ROCK1: variants seen among roughly 807,000 people sequenced by gnomAD.
ROCK1 encodes rho-associated protein kinase 1.
ROCK1 carries 36 observed loss-of-function variants against 196.8 expected under a neutral mutation model. The ratio of observed to expected loss-of-function variants is 0.18; its 90% CI spans 0.14 to 0.24. The LOEUF is 0.24. ROCK1 is among the 10% of genes least tolerant of loss of function. The pLI is 1.00. For synonymous variants in ROCK1, 443 were observed against 515.9 expected (o/e 0.86, Z 1.91); for missense variants, 920 against 1,562.0 (o/e 0.59, Z 6.93).
intron 11 of ROCK1, among the ~76,000 whole-genome samples, chr18:21,022,330 C>T (rs902139551): frequency 1.3e-5 from 2 of 152,110 alleles, no homozygotes; most frequent in African/African-American, 4.8e-5. Context: ...GCTATATAAA[C>T]AACAGAAAGA....
chr18:21,027,042 G>A (rs536618538), intron 10 of ROCK1, among the ~76,000 whole-genome samples: 1 of 151,418 alleles, frequency 6.6e-6, no homozygotes, highest in African/African-American at 2.4e-5. Flanking sequence ...AGGTTGAAGC[G>A]ATTCTCCTGC....
At chr18:20,984,654 A>G (rs2035562155) in intron 19 of ROCK1, 119 bp from the exon 20 acceptor site, 7 of 674,078 alleles carry the variant, frequency 1.0e-5, no homozygotes, top group Non-Finnish European at 1.7e-5. Flanking sequence ...AGAAAATATT[A>G]GTATTTTAAA....
intron 4 of ROCK1, among the ~76,000 whole-genome samples, chr18:21,048,159 T>A (rs1216341781): frequency 6.6e-6 from 1 of 152,198 alleles, no homozygotes; most frequent in Admixed American, 6.5e-5. Context: ...AAGGAAATTG[T>A]GGCCCAGAGA....
At chr18:21,088,909 A>G (rs2036548356) in intron 1 of ROCK1, among the ~76,000 whole-genome samples, 1 of 151,934 alleles carries the variant, frequency 6.6e-6, no homozygotes, top group African/African-American at 2.4e-5. Flanking sequence ...GTCTTCCCAG[A>G]CTCCAGAACT....
At chr18:20,998,170 T>G (rs1441170667) in intron 16 of ROCK1, among the ~76,000 whole-genome samples, 1 of 152,070 alleles carries the variant, frequency 6.6e-6, no homozygotes, top group Admixed American at 6.5e-5. Context: ...TACAAATACC[T>G]GGAAATTAAA....
chr18:21,057,930 AT>A (rs1679442512), intron 2 of ROCK1, among the ~76,000 whole-genome samples: 1 of 152,234 alleles, frequency 6.6e-6, no homozygotes, highest in Non-Finnish European at 1.5e-5. Flanking sequence ...TGGGACCAAG[AT>A]ATCTACAATA....
At chr18:20,975,997 C>T (rs574636857) in intron 22 of ROCK1, among the ~76,000 whole-genome samples, 13 of 152,368 alleles carry the variant, frequency 8.5e-5, no homozygotes, top group African/African-American at 3.1e-4. Flanking sequence ...TCTTCTCTTA[C>T]ACTGTTGGTA....
intron 1 of ROCK1, among the ~76,000 whole-genome samples, chr18:21,085,221 AG>A (rs1241927534): frequency 6.6e-6 from 1 of 152,000 alleles, no homozygotes; most frequent in Non-Finnish European, 1.5e-5. Context: ...AATTGTACTC[AG>A]GAACAGTTAA....
intron 2 of ROCK1, 25 bp from the exon 3 acceptor site, chr18:21,049,905 T>C: frequency 1.5e-6 from 2 of 1,360,924 alleles, no homozygotes; most frequent in East Asian, 4.8e-5. Context: ...AAGTTTATCA[T>C]TTTAAATCAC....
chr18:20,968,032 TTC>T lies in ROCK1; in HGVS notation c.3004-94_3004-93del. The T allele has an allele frequency of 2.6e-6, 3 of 1,174,152 alleles. No individual in the cohort carries two copies. The South Asian group carries it at 5.8e-5, about 23-fold the overall frequency. 72.7% of individuals were successfully genotyped at this position (1,174,152 alleles called of 1,614,324 possible). ...TTCTTCAAAATCAGGAAGCAGGACT[TTC>T]TGTGTGTATGAAAATTAGGACAACT... On this transcript the variant is annotated intron_variant, in intron 25 of 32. Transcript: ENST00000399799.
chr18:20,997,816 T>G (rs983290594), intron 16 of ROCK1, among the ~76,000 whole-genome samples: 3 of 150,036 alleles, frequency 2.0e-5, no homozygotes, highest in African/African-American at 7.4e-5. Context: ...GAAACAAAAC[T>G]AGAAATCAAC....
intron 16 of ROCK1, among the ~76,000 whole-genome samples, chr18:21,001,957 C>T (rs1598523780): frequency 1.3e-5 from 2 of 151,844 alleles, no homozygotes; most frequent in Non-Finnish European, 2.9e-5. Context: ...ATACAAAAAT[C>T]GACAATTTTC....
chr18:21,080,310 A>G (rs1268950364), intron 1 of ROCK1, among the ~76,000 whole-genome samples: 5 of 152,222 alleles, frequency 3.3e-5, no homozygotes, highest in Admixed American at 6.5e-5. Context: ...ATATCCAAGA[A>G]GCCCAGACAT....
intron 3 of ROCK1, 50 bp from the exon 4 acceptor site, chr18:21,049,279 CT>C: frequency 7.2e-7 from 1 of 1,381,890 alleles, no homozygotes; most frequent in Non-Finnish European, 9.7e-7. Flanking sequence ...ACATTTAAAG[CT>C]CAAGGTTTCA....
At chr18:21,100,761 T>C (rs1185326382) in intron 1 of ROCK1, among the ~76,000 whole-genome samples, 1 of 152,070 alleles carries the variant, frequency 6.6e-6, no homozygotes, top group African/African-American at 2.4e-5. Flanking sequence ...AGGGGATATA[T>C]TCCTCTGTCT....
In ROCK1 at chr18:20,987,951, T is replaced by G. The variant is rs1281617774; in HGVS notation, c.2144-841A>C. Reference sequence around the variant, plus strand: ...GCTCCAGACTTAGATACCAATTGACTATTTAACATCTCCACCTAGATATCT... The same window carrying G: ...GCTCCAGACTTAGATACCAATTGACGATTTAACATCTCCACCTAGATATCT... On this transcript the variant is annotated intron_variant, in intron 18 of 32. Transcript: ENST00000399799. Among the ~76,000 whole-genome samples, 5 of 152,190 alleles carry G rather than the reference T, an allele frequency of 3.3e-5. No homozygotes were observed. In the East Asian group the frequency reaches 9.6e-4, roughly 29 times the overall value.
At chr18:21,078,401 A>T (rs2036454238) in intron 1 of ROCK1, among the ~76,000 whole-genome samples, 1 of 146,592 alleles carries the variant, frequency 6.8e-6, no homozygotes, top group Admixed American at 6.8e-5. Flanking sequence ...GAGAGAGAGA[A>T]CCTAGTGTGG....
chr18:20,958,509 G>T (rs1240499736), intron 29 of ROCK1, among the ~76,000 whole-genome samples: 2 of 151,890 alleles, frequency 1.3e-5, no homozygotes, highest in Non-Finnish European at 2.9e-5. Flanking sequence ...ATTAAGAAAA[G>T]ATTTTAGAAT....
At chr18:21,071,733 T>C (rs1351870228) in intron 1 of ROCK1, among the ~76,000 whole-genome samples, 3 of 152,112 alleles carry the variant, frequency 2.0e-5, no homozygotes, top group African/African-American at 7.2e-5. Flanking sequence ...ATGTAATCAG[T>C]TCCAGACAGG....
Sources: allele counts gnomAD v4.1 joint callset (sites outside exome capture counted in the v4.1 genomes callset), GRCh38; gene constraint gnomAD v4.1.1; transcripts MANE v1.5; gene names NCBI Gene and HGNC (gene_info 2026-07-23, HGNC 2026-07-21).